The following DNMT3A variants were observed in gnomAD, a reference collection of about 807,000 sequenced individuals.
The protein encoded by DNMT3A is DNA methyltransferase 3 alpha, also known as DNA (cytosine-5)-methyltransferase 3A.
DNMT3A carries 267 observed loss-of-function variants against 117.6 expected under a neutral mutation model. The ratio of observed to expected loss-of-function variants is 2.27; its 90% CI spans 2.05 to 2.51. DNMT3A has a LOEUF of 2.51. Among genes scored for constraint, DNMT3A ranks in the 30% most tolerant of loss-of-function variants. The probability of loss-of-function intolerance (pLI) is 0.00; values close to 1 mark genes in which losing one functional copy is unlikely to be tolerated. For synonymous variants in DNMT3A, 432 were observed against 474.8 expected (o/e 0.91, Z 1.17); for missense variants, 1,029 against 1,260.2 (o/e 0.82, Z 2.78).
rs551372693 is a variant in DNMT3A, at chr2:25,254,426, C to G, written c.640-6174G>C. Among the ~76,000 whole-genome samples the G allele has an allele frequency of 1.6e-4, 25 of 152,130 alleles. No homozygotes were observed. Among genetic ancestry groups the G allele is most frequent in the African/African-American group, 2.9e-4 (12 of 41,412 alleles). On this transcript the variant is annotated intron_variant, in intron 6 of 22. Coordinates refer to ENST00000321117, the MANE Select transcript of DNMT3A (RefSeq NM_022552.5). The surrounding 1 kb of genome is among the most constrained non-coding windows in gnomAD (Gnocchi z 4.7). The stretch of plus-strand genomic sequence containing the variant: ...TAGAAGACTTGGGTACAGACTCCCC[C>G]CCAACCCTGAGACCCAGAATCCATA...
intron 6 of DNMT3A, among the ~76,000 whole-genome samples, chr2:25,256,205 G>A (rs1052545180): frequency 4.6e-5 from 7 of 152,230 alleles, no homozygotes; most frequent in African/African-American, 1.2e-4. Context: ...TTCTGAACCC[G>A]TCCTCCTCCC....
rs1260905481 is a variant in DNMT3A at position 25,254,689 on chromosome 2, C to T, written c.640-6437G>A. Among the ~76,000 whole-genome samples the T allele has an allele frequency of 5.9e-5, 9 of 152,158 alleles. No individual in the cohort carries two copies. The highest frequency in any genetic ancestry group is 8.8e-5 in the Non-Finnish European group (6 of 68,028). On this transcript the variant is annotated intron_variant, in intron 6 of 22. Coordinates refer to ENST00000321117, the MANE Select transcript of DNMT3A (RefSeq NM_022552.5). This position sits in a 1 kb window ranked among gnomAD's most constrained non-coding sequence, Gnocchi z 4.7. Reference sequence around the variant, plus strand: ...ACTGATACCTCTTCTGCATCCATGCCGGTCAACGGGCCTGAGAACTTACTT... The same window carrying T: ...ACTGATACCTCTTCTGCATCCATGCTGGTCAACGGGCCTGAGAACTTACTT...
rs1359575760 is a variant in DNMT3A at position 25,257,771 on chromosome 2, G to A, written c.640-9519C>T. 2.0e-5 allele frequency among the ~76,000 whole-genome samples: 3 copies of A among 152,168 alleles called. No homozygotes were observed. The highest frequency in any genetic ancestry group is 1.9e-4 in the East Asian group (1 of 5,192). Reference sequence around the variant, plus strand: ...TTGGGGTCTACCTACGTAGATCAGCGGGCTTAAGGTGGGGCCCAGGAATCT... The same window carrying A: ...TTGGGGTCTACCTACGTAGATCAGCAGGCTTAAGGTGGGGCCCAGGAATCT... On this transcript the variant is annotated intron_variant, in intron 6 of 22. Transcript: ENST00000321117. This position sits in a 1 kb window ranked among gnomAD's most constrained non-coding sequence, Gnocchi z 4.8.
rs1266630779 is a variant in DNMT3A at position 25,282,010 on chromosome 2, C to T, written c.448+431G>A. Reference sequence around the variant, plus strand: ...CAAATACAGCAACCCCCAGGAACTGCATGGCACGTGGGAGAGTAAGCAGGC... The same window carrying T: ...CAAATACAGCAACCCCCAGGAACTGTATGGCACGTGGGAGAGTAAGCAGGC... On this transcript the variant is annotated intron_variant, in intron 4 of 22. Transcript: ENST00000321117. The surrounding 1 kb of genome is among the most constrained non-coding windows in gnomAD (Gnocchi z 5.2). 4.5e-6 allele frequency: 5 copies of T among 1,116,390 alleles called. No individual in the cohort carries two copies. In the African/African-American group the frequency reaches 6.5e-5, roughly 14 times the overall value. 69.2% of individuals were successfully genotyped at this position (1,116,390 alleles called of 1,614,324 possible). A position where few individuals can be genotyped will look rare whatever the true frequency, so the allele number is the denominator to read the frequency against.
intron 16 of DNMT3A, among the ~76,000 whole-genome samples, chr2:25,243,285 AC>A (rs774012692): frequency 1.3e-5 from 2 of 151,404 alleles, no homozygotes; most frequent in Non-Finnish European, 2.9e-5. Context: ...AGCCTGGGCA[AC>A]AGACTCCGTC....
intron 3 of DNMT3A, among the ~76,000 whole-genome samples, chr2:25,284,645 T>TGAAAAAAAAAAAAAAAAAAAAAAAAAAAA (rs1287436463): frequency 1.8e-4 from 3 of 16,632 alleles, no homozygotes; most frequent in Admixed American, 8.1e-4. Context: ...AGACTCCATC[T>TGAAAAAAAAAAAAAAAAAAAAAAAAAAAA]AAAAAAAAAA....
At chr2:25,283,781 CAAAT>C (rs1379778341) in intron 3 of DNMT3A, among the ~76,000 whole-genome samples, 2 of 152,186 alleles carry the variant, frequency 1.3e-5, no homozygotes, top group African/African-American at 4.8e-5. Context: ...TAATAAAAAT[CAAAT>C]AAAGAATAAT....
rs1052194143 is a variant in DNMT3A at position 25,229,388 on chromosome 2, G to A, written c.*4891C>T. The stretch of plus-strand genomic sequence containing the variant: ...CCTCCACTACACCTTTTCCACCCCC[G>A]GGATTGGGAGCGGGGAGGTTTCAGC... On this transcript the variant is annotated 3_prime_UTR_variant, in exon 23 of 23. Coordinates refer to ENST00000321117, the MANE Select transcript of DNMT3A (RefSeq NM_022552.5). 2 of 152,296 alleles carry A rather than the reference G, an allele frequency of 1.3e-5. No individual in the cohort carries two copies. The highest frequency in any genetic ancestry group is 2.1e-4 in the South Asian group (1 of 4,834). The allele number at this position is 152,296 out of a possible 1,614,324, so 9.4% of individuals were successfully genotyped here.
intron 6 of DNMT3A, among the ~76,000 whole-genome samples, chr2:25,264,132 G>GTTTTTTTTGTT (rs2029959796): frequency 1.4e-5 from 1 of 73,740 alleles, no homozygotes; most frequent in Admixed American, 2.1e-4. Flanking sequence ...CAACCCTTTG[G>GTTTTTTTTGTT]TTTTTTTTTT....
At chr2:25,266,712 C>T (rs2030382339) in intron 6 of DNMT3A, among the ~76,000 whole-genome samples, 1 of 152,210 alleles carries the variant, frequency 6.6e-6, no homozygotes, top group African/African-American at 2.4e-5. Flanking sequence ...AGATGTTCAA[C>T]CTTATTATCT....
chr2:25,308,169 T>C (rs374721833), intron 2 of DNMT3A, among the ~76,000 whole-genome samples: 2 of 152,030 alleles, frequency 1.3e-5, no homozygotes, highest in East Asian at 3.9e-4. Context: ...TGTAGGTAGG[T>C]AGGTAGGTAG....
intron 2 of DNMT3A, among the ~76,000 whole-genome samples, chr2:25,309,521 G>A (rs185656735): frequency 1.1e-4 from 16 of 152,284 alleles, no homozygotes; most frequent in South Asian, 2.1e-4. Context: ...CAAAAGTCCA[G>A]GGGAGGACTA....
At chr2:25,328,897 AG>A (rs1340337016) in intron 1 of DNMT3A, among the ~76,000 whole-genome samples, 6 of 152,116 alleles carry the variant, frequency 3.9e-5, no homozygotes, top group Non-Finnish European at 8.8e-5. Flanking sequence ...CACAGGAATC[AG>A]GGGGGCTGAG....
At chr2:25,292,595 C>G (rs879794072) in intron 3 of DNMT3A, among the ~76,000 whole-genome samples, 1 of 152,276 alleles carries the variant, frequency 6.6e-6, no homozygotes, top group Middle Eastern at 3.4e-3. Flanking sequence ...GCCCGCCGCA[C>G]CCGACATGAT....
Position 25,228,604 on chromosome 2 carries a change from C to T in DNMT3A, c.*5675G>A, listed in dbSNP as rs1672762441. On this transcript the variant is annotated 3_prime_UTR_variant, in exon 23 of 23. Transcript: ENST00000321117. Reference sequence around the variant, plus strand: ...AAATGCCTTTTTAATAATAATATATCAGAGTAAAATAATAGTCTCTTTTAA... The same window carrying T: ...AAATGCCTTTTTAATAATAATATATTAGAGTAAAATAATAGTCTCTTTTAA... 6.6e-6 allele frequency: 1 copy of T among 152,106 alleles called. No homozygotes were observed. Among genetic ancestry groups the T allele is most frequent in the Admixed American group, 6.5e-5 (1 of 15,278 alleles). 9.4% of individuals were successfully genotyped at this position (152,106 alleles called of 1,614,324 possible). A position where few individuals can be genotyped will look rare whatever the true frequency, so the allele number is the denominator to read the frequency against.
intron 1 of DNMT3A, among the ~76,000 whole-genome samples, chr2:25,315,087 G>A (rs1310991294): frequency 6.6e-6 from 1 of 152,168 alleles, no homozygotes; most frequent in Non-Finnish European, 1.5e-5. Context: ...GAGGGGATTG[G>A]CAGGCAAGGG....
rs566650926 is a variant in DNMT3A at position 25,286,336 on chromosome 2, G to A, written c.178-3625C>T. Among the ~76,000 whole-genome samples, 1 of 152,324 alleles carries A rather than the reference G, an allele frequency of 6.6e-6. No homozygotes were observed. The highest frequency in any genetic ancestry group is 6.5e-5 in the Admixed American group (1 of 15,298). ...CAGCACCAGATGCGCCATTCTCCCA[G>A]AGATGCCCCCAAAGCCAGGTGGGAG... On this transcript the variant is annotated intron_variant, in intron 3 of 22. Coordinates refer to ENST00000321117, the MANE Select transcript of DNMT3A (RefSeq NM_022552.5). The surrounding 1 kb of genome is among the most constrained non-coding windows in gnomAD (Gnocchi z 4.3).
intron 2 of DNMT3A, among the ~76,000 whole-genome samples, chr2:25,303,741 G>A (rs916650809): frequency 2.6e-5 from 4 of 152,234 alleles, no homozygotes; most frequent in Admixed American, 6.5e-5. Context: ...CAACTCTTCC[G>A]CGATGGAGTC....
At chr2:25,244,779 C>T in intron 13 of DNMT3A, 127 bp from the exon 14 acceptor site, 1 of 754,978 alleles carries the variant, frequency 1.3e-6, no homozygotes, top group South Asian at 1.6e-5. Context: ...ACCACCTTAG[C>T]CAGGGTCAGG....
Sources: gnomAD v4.1 joint callset for allele counts (sites outside exome capture counted in the v4.1 genomes callset) on GRCh38, gnomAD v4.1.1 for gene constraint, Gnocchi (gnomAD v3.1) non-coding constraint, MANE v1.5 for transcripts, NCBI Gene and HGNC (gene_info 2026-07-23, HGNC 2026-07-21) for gene names.